The following CUL9 variants were observed in gnomAD, a reference collection of about 807,000 sequenced individuals.
The protein encoded by CUL9 is cullin-9.
A neutral mutation model predicts 272.6 loss-of-function variants in CUL9; 79 were observed. The ratio of observed to expected loss-of-function variants is 0.29; its 90% confidence interval spans 0.24 to 0.35. The LOEUF is 0.35. Among genes scored for constraint, CUL9 ranks in the 10% least tolerant of loss-of-function variants. CUL9 has a pLI of 1.00. For missense variants in CUL9, 2,532 were observed against 3,255.6 expected (o/e 0.78, Z 5.41); for synonymous variants, 1,186 against 1,286.5 (o/e 0.92, Z 1.67).
At position 43,199,365 on chromosome 6, in the gene CUL9, C is replaced by T; in HGVS notation, c.3150C>T (p.Asp1050=). ...CLNCLSGPSS[D]SEIVQELTCF... is the part of the protein sequence containing the mutation. ...ACTGCCTGAGTGGCCCTAGCAGTGA[C>T]TCCGAGGTACCAGAACCCTGGCAAG... Residue 1050 remains aspartate (D), a synonymous_variant, in exon 13 of 41, where the codon GAC becomes GAT. Transcript: ENST00000252050. This position sits in a 1 kb window ranked among gnomAD's most constrained non-coding sequence, Gnocchi z 4.4. 6.2e-7 allele frequency: 1 copy of T among 1,612,040 alleles called. No individual in the cohort carries two copies. Among genetic ancestry groups the T allele is most frequent in the Non-Finnish European group, 8.5e-7 (1 of 1,178,448 alleles).
chr6:43,222,554 C>A lies in CUL9; in HGVS notation c.6945C>A (p.Asn2315Lys), dbSNP rs1207015542. The A allele has an allele frequency of 6.2e-7, 1 of 1,613,882 alleles. No homozygotes were observed. The highest frequency in any genetic ancestry group is 1.7e-5 in the Admixed American group (1 of 60,026). The change falls in exon 37 of 41, where the codon AAC becomes AAA. Residue 2315 changes from asparagine to lysine, a missense_variant. Asn to Lys is a moderately conservative substitution (Grantham distance 94). Transcript: ENST00000252050. The stretch of plus-strand genomic sequence containing the variant: ...AGGAGTTTGCTGTGAACTTGCGGAA[C>A]CGGGTGTCTGCCATCCATGAAGTGC... ...QAREFAVNLRNRVSAIHEVPP... is the reference protein window; with the variant it reads ...QAREFAVNLRKRVSAIHEVPP...
intron 31 of CUL9, among the ~76,000 whole-genome samples, chr6:43,219,484 C>A (rs529573135): frequency 6.6e-6 from 1 of 151,698 alleles, no homozygotes; most frequent in Non-Finnish European, 1.5e-5. Flanking sequence ...TTTCCCTGTT[C>A]TATCTCAAAA....
rs979771437 is a variant in CUL9 at position 43,223,160 on chromosome 6, A to G, written c.7151-104A>G. The G allele has an allele frequency of 1.4e-6, 2 of 1,432,010 alleles. No individual in the cohort carries two copies. Among genetic ancestry groups the G allele is most frequent in the African/African-American group, 2.8e-5 (2 of 70,228 alleles). 88.7% of individuals were successfully genotyped at this position (1,432,010 alleles called of 1,614,324 possible). ...CCTAGGGAGCTTCATGAGAATGTCT[A>G]GAGCTGCACCTGGTGCTTGGTAGAC... On this transcript the variant is annotated intron_variant, in intron 38 of 40. Coordinates refer to ENST00000252050, the MANE Select transcript of CUL9 (RefSeq NM_015089.4). This position sits in a 1 kb window ranked among gnomAD's most constrained non-coding sequence, Gnocchi z 4.1.
At chr6:43,211,358 G>A (rs1367859446) in intron 26 of CUL9, among the ~76,000 whole-genome samples, 1 of 152,204 alleles carries the variant, frequency 6.6e-6, no homozygotes, top group Non-Finnish European at 1.5e-5. Context: ...AGGAGTTTCA[G>A]AGCAGCCTGG....
chr6:43,222,985 C>T, intron 38 of CUL9, 89 bp downstream of exon 38: 2 of 1,071,642 alleles, frequency 1.9e-6, no homozygotes, highest in Middle Eastern at 2.9e-4. Context: ...AAGCGGCACC[C>T]TTACCTTCCC....
At chr6:43,202,139 C>A (rs74929631) in intron 16 of CUL9, among the ~76,000 whole-genome samples, 2,161 of 152,244 alleles carry the variant, frequency 0.014, 51 homozygotes, top group African/African-American at 0.048. Flanking sequence ...AAGGTGAAGG[C>A]CTCAGTGACA....
chr6:43,204,396 A>T lies in CUL9; in HGVS notation c.4196A>T (p.Asp1399Val). The stretch of plus-strand genomic sequence containing the variant: ...GTGAGTGCCCTGGGATGGCTGCTGG[A>T]TCAGTACTTAGAACAGAGAGAGACC... ...EGVSALGWLLDQYLEQRETSR... is the reference protein window; with the variant it reads ...EGVSALGWLLVQYLEQRETSR... Residue 1399 changes from aspartate (D) to valine (V), a missense_variant, in exon 21 of 41, where the codon GAT becomes GTT. Asp to Val is a radical substitution (Grantham distance 152). Around this residue, in one of 3 missense-constraint regions of CUL9, gnomAD observed 2,218 missense variants for 2,788.6 expected, o/e 0.80. Transcript: ENST00000252050. The T allele has an allele frequency of 6.2e-7, 1 of 1,614,052 alleles. No homozygotes were observed. Among genetic ancestry groups the T allele is most frequent in the South Asian group, 1.1e-5 (1 of 91,080 alleles).
intron 26 of CUL9, among the ~76,000 whole-genome samples, chr6:43,209,802 C>T (rs1403826410): frequency 2.6e-5 from 4 of 151,672 alleles, no homozygotes; most frequent in South Asian, 2.1e-4. Context: ...TGTGCCACCA[C>T]ACCTGGCTAA....
At position 43,204,440 on chromosome 6, in the gene CUL9, C is replaced by G. The variant is rs139186823; in HGVS notation, c.4240C>G (p.Arg1414Gly). 1.2e-6 allele frequency: 2 copies of G among 1,614,052 alleles called. No homozygotes were observed. The highest frequency in any genetic ancestry group is 1.7e-6 in the Non-Finnish European group (2 of 1,180,032). ...AGAGACCTCTCGGAACCCCTTGAGT[C>G]GAGCAGCGTCCTTTGCTTCTCGAGT... Reference protein sequence around the residue: ...QRETSRNPLSRAASFASRVRR... With the variant: ...QRETSRNPLSGAASFASRVRR... The change falls in exon 21 of 41, where the codon CGA becomes GGA. Residue 1414 changes from arginine (R) to glycine (G), a missense_variant. By Grantham distance (125) the Arg-to-Gly change is moderately radical. This residue lies in a region of CUL9 where 2,218 missense variants were observed against 2,788.6 expected (regional missense o/e 0.80). Transcript: ENST00000252050.
intron 1 of CUL9, among the ~76,000 whole-genome samples, chr6:43,182,640 C>T (rs1014148985): frequency 1.3e-5 from 2 of 152,068 alleles, no homozygotes; most frequent in Non-Finnish European, 2.9e-5. Context: ...GCTGGCACAT[C>T]GCTGGCTACC....
rs748832716 is a variant in CUL9 at position 43,205,327 on chromosome 6, C to T, written c.4697C>T (p.Pro1566Leu). The part of the protein sequence containing the change: ...QIQGGLIGGA[P>L]GVEMLGQLQR... Reference sequence around the variant, plus strand: ...CAGGGTGGCCTGATTGGTGGAGCCCCTGGAGTGGAAATGCTGGGGCAGCTT... The same window carrying T: ...CAGGGTGGCCTGATTGGTGGAGCCCTTGGAGTGGAAATGCTGGGGCAGCTT... Residue 1566 changes from proline to leucine, a missense_variant, in exon 24 of 41, where the codon CCT becomes CTT. Physicochemically the swap from Pro to Leu is moderately conservative, Grantham distance 98. This residue lies in a region of CUL9 where 2,218 missense variants were observed against 2,788.6 expected (regional missense o/e 0.80). Coordinates refer to ENST00000252050, the MANE Select transcript of CUL9 (RefSeq NM_015089.4). 2 of 1,614,196 alleles carry T rather than the reference C, an allele frequency of 1.2e-6. No individual in the cohort carries two copies. Among genetic ancestry groups the T allele is most frequent in the Non-Finnish European group, 1.7e-6 (2 of 1,180,042 alleles).
At position 43,222,309 on chromosome 6, in the gene CUL9, T is replaced by C; in HGVS notation, c.6847-7T>C. On this transcript the variant is annotated splice_polypyrimidine_tract_variant and splice_region_variant and intron_variant, in intron 35 of 40. Coordinates refer to ENST00000252050, the MANE Select transcript of CUL9 (RefSeq NM_015089.4). ...ACCCAATAGCCCTCCCAACGTATCC[T>C]TGCTAGGTAAGCAAGGCAGCTCGCC... is the stretch of plus-strand genomic sequence containing the variant. 3 of 1,613,854 alleles carry C rather than the reference T, an allele frequency of 1.9e-6. No individual in the cohort carries two copies. Among genetic ancestry groups the C allele is most frequent in the Non-Finnish European group, 2.5e-6 (3 of 1,179,742 alleles).
intron 7 of CUL9, 89 bp downstream of exon 7, chr6:43,188,207 T>C: frequency 1.4e-6 from 2 of 1,471,568 alleles, no homozygotes; most frequent in Non-Finnish European, 1.8e-6. Flanking sequence ...AGGAAAGCCA[T>C]GGAGGAAGGT....
intron 8 of CUL9, among the ~76,000 whole-genome samples, chr6:43,190,153 C>T (rs1278751160): frequency 6.6e-6 from 1 of 152,090 alleles, no homozygotes; most frequent in East Asian, 1.9e-4. Flanking sequence ...TGTTCTAACG[C>T]GTCTGTTTTT....
In CUL9 at chr6:43,198,668, C is replaced by A; in HGVS notation, c.2863C>A (p.Leu955Met). 6.2e-7 allele frequency: 1 copy of A among 1,613,818 alleles called. No individual in the cohort carries two copies. The change falls in exon 12 of 41, where the codon CTG (leucine) becomes ATG (methionine). Residue 955 changes from leucine (L) to methionine (M), a missense_variant. Physicochemically the swap from Leu to Met is conservative, Grantham distance 15 (BLOSUM62 2). Transcript: ENST00000252050. ...DGSPELLIRS[L>M]VGGPSAELLL... is the part of the protein sequence containing the mutation. Reference sequence around the variant, plus strand: ...GTCCCCTGAGCTACTGATTCGATCCCTGGTTGGGGGCCCATCTGCAGAACT... The same window carrying A: ...GTCCCCTGAGCTACTGATTCGATCCATGGTTGGGGGCCCATCTGCAGAACT...
chr6:43,221,827 A>AG lies in CUL9; in HGVS notation c.6846+53dup. The AG allele has an allele frequency of 6.6e-7, 1 of 1,524,940 alleles. No homozygotes were observed. Among genetic ancestry groups the AG allele is most frequent in the Non-Finnish European group, 9.0e-7 (1 of 1,112,244 alleles). 94.5% of individuals were successfully genotyped at this position (1,524,940 alleles called of 1,614,324 possible). ...GGGCAGAGGCCCAGAGCCGTCGGGG[A>AG]GGGGTGCTGCTACCAGGTCCTGGGC... is the stretch of plus-strand genomic sequence containing the variant. On this transcript the variant is annotated intron_variant, in intron 35 of 40. Transcript: ENST00000252050. This position sits in a 1 kb window ranked among gnomAD's most constrained non-coding sequence, Gnocchi z 4.2.
rs566189234 is a variant in CUL9, at chr6:43,200,031, G to A, written c.3259G>A (p.Val1087Ile). Residue 1087 changes from valine (V) to isoleucine (I), a missense_variant, in exon 14 of 41, where the codon GTC becomes ATC. Physicochemically the swap from Val to Ile is conservative, Grantham distance 29. Transcript: ENST00000252050. This position sits in a 1 kb window ranked among gnomAD's most constrained non-coding sequence, Gnocchi z 4.0. ...GGGAGCAAAAGAGATCCTCTCCAAAGTCCTGGACAAGCACTCAGCTCAGCT... is the reference window on the plus strand; with the variant it reads ...GGGAGCAAAAGAGATCCTCTCCAAAATCCTGGACAAGCACTCAGCTCAGCT... ...CLGAKEILSK[V>I]LDKHSAQLLL... 5.0e-6 allele frequency: 8 copies of A among 1,614,256 alleles called. No homozygotes were observed. In the African/African-American group the frequency reaches 8.0e-5, roughly 16 times the overall value.
In CUL9 at chr6:43,204,433, C is replaced by T. The variant is rs1774881793; in HGVS notation, c.4233C>T (p.Pro1411=). The T allele has an allele frequency of 1.2e-6, 2 of 1,614,048 alleles. No individual in the cohort carries two copies. Among genetic ancestry groups the T allele is most frequent in the Admixed American group, 1.7e-5 (1 of 60,000 alleles). ...AACAGAGAGAGACCTCTCGGAACCC[C>T]TTGAGTCGAGCAGCGTCCTTTGCTT... is the stretch of plus-strand genomic sequence containing the variant. ...YLEQRETSRN[P]LSRAASFASR... The change falls in exon 21 of 41, where the codon CCC becomes CCT. Residue 1411 remains proline, a synonymous_variant. Coordinates refer to ENST00000252050, the MANE Select transcript of CUL9 (RefSeq NM_015089.4).
intron 24 of CUL9, among the ~76,000 whole-genome samples, 182 bp from the exon 25 acceptor site, chr6:43,205,825 G>A (rs1389884814): frequency 4.2e-5 from 6 of 142,918 alleles, no homozygotes; most frequent in African/African-American, 7.7e-5. Flanking sequence ...GCAAGACTCC[G>A]TCTCAAAAAA....
Sources: allele counts gnomAD v4.1 joint callset (sites outside exome capture counted in the v4.1 genomes callset), GRCh38; gene constraint gnomAD v4.1.1; regional missense constraint gnomAD v4.1.1; non-coding constraint Gnocchi (gnomAD v3.1); transcripts MANE v1.5; gene names NCBI Gene and HGNC (gene_info 2026-07-23, HGNC 2026-07-21).